The following SLC6A13 variants were observed in gnomAD, a reference collection of about 807,000 sequenced individuals.
SLC6A13 encodes the protein sodium- and chloride-dependent GABA transporter 2.
A neutral mutation model predicts 72.9 loss-of-function variants in SLC6A13; 69 were observed. The ratio of observed to expected loss-of-function variants is 0.95; its 90% CI spans 0.78 to 1.16. The LOEUF is 1.16. Ranked by LOEUF, SLC6A13 falls within the 50% of genes most tolerant of loss-of-function variation. The pLI, the probability that SLC6A13 is intolerant of heterozygous loss-of-function variation, is 0.00. For synonymous variants in SLC6A13, 303 were observed against 303.0 expected (o/e 1.00, Z 0.00); for missense variants, 735 against 760.5 (o/e 0.97, Z 0.39).
intron 2 of SLC6A13, among the ~76,000 whole-genome samples, chr12:247,871 G>A (rs1942407597): frequency 6.6e-6 from 1 of 152,014 alleles, no homozygotes; most frequent in Non-Finnish European, 1.5e-5. Context: ...ATATAAAGTG[G>A]TACATTATCA....
At chr12:241,346 T>C (rs779208593) in intron 4 of SLC6A13, among the ~76,000 whole-genome samples, 5 of 152,112 alleles carry the variant, frequency 3.3e-5, no homozygotes, top group Admixed American at 2.6e-4. Flanking sequence ...GAATTAATCA[T>C]GGCTAGCCCA....
intron 8 of SLC6A13, chr12:227,026 C>T (rs759444495): frequency 3.0e-5 from 5 of 164,754 alleles, no homozygotes; most frequent in East Asian, 3.7e-4. Flanking sequence ...AAGGAGAGAA[C>T]GAGGGGGACA....
chr12:238,332 CAA>C, intron 4 of SLC6A13: 1 of 1,345,162 alleles, frequency 7.4e-7, no homozygotes, highest in South Asian at 1.2e-5. Flanking sequence ...GCGTCCTGTG[CAA>C]AGTCACCACC....
At chr12:225,939 T>G (rs746175887) in intron 9 of SLC6A13, among the ~76,000 whole-genome samples, 3 of 152,242 alleles carry the variant, frequency 2.0e-5, no homozygotes, top group Non-Finnish European at 2.9e-5. Context: ...TATCTGCTGA[T>G]GGAAACTTCG....
chr12:226,238 A>G (rs1941446103), intron 9 of SLC6A13, 152 bp downstream of exon 9: 1 of 901,134 alleles, frequency 1.1e-6, no homozygotes, highest in African/African-American at 1.7e-5. Context: ...TGACTGTTTC[A>G]ATTCTCCGCC....
chr12:243,874 C>T, intron 2 of SLC6A13, 61 bp from the exon 3 acceptor site: 1 of 1,551,132 alleles, frequency 6.4e-7, no homozygotes, highest in Non-Finnish European at 8.8e-7. Flanking sequence ...TCTGCATTCA[C>T]CTCCTCCCAT....
At chr12:249,143 A>G (rs1441247703) in intron 2 of SLC6A13, among the ~76,000 whole-genome samples, 1 of 152,246 alleles carries the variant, frequency 6.6e-6, no homozygotes, top group African/African-American at 2.4e-5. Context: ...TAGGAGATTT[A>G]CTAAATGATA....
At chr12:245,628 C>T (rs506572) in intron 2 of SLC6A13, among the ~76,000 whole-genome samples, 1 of 151,294 alleles carries the variant, frequency 6.6e-6, no homozygotes, top group Non-Finnish European at 1.5e-5. Flanking sequence ...TGCAGTGAGC[C>T]GAGATCGTGC....
rs570194565 is a variant in SLC6A13 at position 259,954 on chromosome 12, C to A, written c.99G>T (p.Gly33=). 1.2e-6 allele frequency: 2 copies of A among 1,614,186 alleles called. No homozygotes were observed. Among genetic ancestry groups the A allele is most frequent in the Admixed American group, 1.7e-5 (1 of 60,036 alleles). The change falls in exon 2 of 15, where the codon GGG becomes GGT. Residue 33 remains glycine, a synonymous_variant. Transcript: ENST00000343164. ...KKEEDGTLER[G]HWNNKMEFVL... is the part of the protein sequence containing the mutation. ...CAAACTCCATCTTGTTGTTCCAGTG[C>A]CCCCGCTCCAGGGTGCCATCTTCCT...
chr12:240,980 C>T (rs978666655), intron 4 of SLC6A13, among the ~76,000 whole-genome samples: 5 of 152,180 alleles, frequency 3.3e-5, no homozygotes, highest in African/African-American at 7.2e-5. Flanking sequence ...GTAAAGGATT[C>T]AAACTCCAGT....
At chr12:262,567 C>G (rs1046491237) in intron 1 of SLC6A13, 1 of 311,596 alleles carries the variant, frequency 3.2e-6, no homozygotes, top group African/African-American at 2.3e-5. Context: ...ATCTAGGGCT[C>G]TCTCTTTCCA....
At chr12:247,710 CTTA>C (rs907791915) in intron 2 of SLC6A13, among the ~76,000 whole-genome samples, 2 of 151,916 alleles carry the variant, frequency 1.3e-5, no homozygotes, top group Admixed American at 1.3e-4. Flanking sequence ...GAATGTTTTT[CTTA>C]TTATTCAAAT....
rs140339786 is a variant in SLC6A13 at position 237,123 on chromosome 12, C to T, written c.696+35G>A. On this transcript the variant is annotated intron_variant, in intron 6 of 14. Transcript: ENST00000343164. ...ACAGCCCCCAGTGAGGGCAGGAGTC[C>T]GGGAATGGGAGGGGCAGGAGCTCCC... 738 of 1,611,050 alleles carry T rather than the reference C, an allele frequency of 4.6e-4. 6 individuals carry two copies. The East Asian group carries it at 0.014, about 31-fold the overall frequency.
chr12:238,073 G>A, intron 4 of SLC6A13, 63 bp from the exon 5 acceptor site: 2 of 1,581,902 alleles, frequency 1.3e-6, no homozygotes. Flanking sequence ...TGACACAACT[G>A]GAGAGTGGGG....
intron 2 of SLC6A13, chr12:259,646 C>G: frequency 7.0e-7 from 1 of 1,434,724 alleles, no homozygotes. Flanking sequence ...TACGATGCCA[C>G]GTTATAATAG....
rs765658266 is a variant in SLC6A13 at position 259,830 on chromosome 12, G to C, written c.202+21C>G. On this transcript the variant is annotated intron_variant, in intron 2 of 14. Transcript: ENST00000343164. ...CCTCCTTCCAGGAGTGGGTGGGGTG[G>C]CACAAGGGCTCTCATCTCACCTCCC... The C allele has an allele frequency of 4.3e-6, 7 of 1,614,168 alleles. No homozygotes were observed. In the South Asian group the frequency reaches 7.7e-5, roughly 18 times the overall value.
At chr12:247,119 T>A (rs1020218193) in intron 2 of SLC6A13, among the ~76,000 whole-genome samples, 1 of 150,660 alleles carries the variant, frequency 6.6e-6, no homozygotes, top group African/African-American at 2.4e-5. Flanking sequence ...CCTAATGTAA[T>A]GGGAGTCTGT....
Position 243,731 on chromosome 12 carries a change from G to A in SLC6A13, c.285C>T (p.Tyr95=), listed in dbSNP as rs1942252288. 2 of 1,613,922 alleles carry A rather than the reference G, an allele frequency of 1.2e-6. No individual in the cohort carries two copies. Among genetic ancestry groups the A allele is most frequent in the Non-Finnish European group, 1.7e-6 (2 of 1,179,750 alleles). Reference sequence around the variant, plus strand: ...AGGCTGTGACGCCTCCCTGGCTAGTGTACTGGCCTAGTGCTGTCTCCAGAA... The same window carrying A: ...AGGCTGTGACGCCTCCCTGGCTAGTATACTGGCCTAGTGCTGTCTCCAGAA... ...VFLLETALGQ[Y]TSQGGVTAWR... is the part of the protein sequence containing the mutation. Residue 95 remains tyrosine (Y), a synonymous_variant, in exon 3 of 15, where the codon TAC becomes TAT. Transcript: ENST00000343164.
chr12:223,883 G>A, intron 11 of SLC6A13, 109 bp downstream of exon 11: 21 of 1,259,978 alleles, frequency 1.7e-5, no homozygotes, highest in Non-Finnish European at 2.3e-5. Flanking sequence ...GTGTCCAGAA[G>A]CCCAGAAGAC....
Sources: gnomAD v4.1 joint callset for allele counts (sites outside exome capture counted in the v4.1 genomes callset) on GRCh38, gnomAD v4.1.1 for gene constraint, MANE v1.5 for transcripts, NCBI Gene and HGNC (gene_info 2026-07-23, HGNC 2026-07-21) for gene names.